Variants in DHX33 observed in about 807,000 individuals in gnomAD.
DHX33 encodes the protein DEAH-box helicase 33.
A neutral mutation model predicts 72.5 loss-of-function variants in DHX33; 42 were observed. That is an observed-to-expected ratio of 0.58 (90% CI 0.45 to 0.75). The LOEUF is 0.75. DHX33 is among the 30% of genes least tolerant of loss of function. The pLI, the probability that DHX33 is intolerant of heterozygous loss-of-function variation, is 0.00. For synonymous variants in DHX33, 358 were observed against 366.1 expected (o/e 0.98, Z 0.25); for missense variants, 842 against 917.5 (o/e 0.92, Z 1.06).
At chr17:5,450,989 G>C in intron 8 of DHX33, 55 bp from the exon 9 acceptor site, 1 of 1,593,584 alleles carries the variant, frequency 6.3e-7, no homozygotes, top group South Asian at 1.1e-5. Context: ...TGAAGTTGCA[G>C]CTAGTTCAGT....
At position 5,460,969 on chromosome 17, in the gene DHX33, G is replaced by A. The variant is rs745789307; in HGVS notation, c.819C>T (p.Ala273=). ...GGATCTGGAAGACGGAGACAAGCGCGGCGTGCAGGTAATCATTCTGAGGCT... is the reference window on the plus strand; with the variant it reads ...GGATCTGGAAGACGGAGACAAGCGCAGCGTGCAGGTAATCATTCTGAGGCT... ...TKQPQNDYLH[A]ALVSVFQIHQ... The change falls in exon 4 of 12, where the codon GCC becomes GCT. Residue 273 remains alanine (A), a synonymous_variant. Coordinates refer to ENST00000225296, the MANE Select transcript of DHX33 (RefSeq NM_020162.4). 19 of 1,613,492 alleles carry A rather than the reference G, an allele frequency of 1.2e-5. No individual in the cohort carries two copies. The highest frequency in any genetic ancestry group is 6.7e-5 in the African/African-American group (5 of 74,906).
chr17:5,461,629 G>A (rs1273553399), intron 3 of DHX33, among the ~76,000 whole-genome samples: 2 of 150,472 alleles, frequency 1.3e-5, no homozygotes, highest in Non-Finnish European at 3.0e-5. Context: ...AAATCAAGAC[G>A]GAATTTCAGT....
At chr17:5,454,083 G>T in intron 6 of DHX33, 103 bp from the exon 7 acceptor site, 2 of 1,368,986 alleles carry the variant, frequency 1.5e-6, no homozygotes, top group Non-Finnish European at 9.9e-7. Context: ...GCAACACGGG[G>T]GTCCAGAAAG....
At chr17:5,463,839 A>G in intron 1 of DHX33, 150 bp from the exon 2 acceptor site, 1 of 665,112 alleles carries the variant, frequency 1.5e-6, no homozygotes. Flanking sequence ...TGGGCAACAT[A>G]GCAAGACCCC....
chr17:5,455,080 CAG>C (rs1178477009), intron 6 of DHX33, 78 bp downstream of exon 6: 16 of 1,276,744 alleles, frequency 1.3e-5, no homozygotes, highest in African/African-American at 4.4e-5. Flanking sequence ...ATGAAACACT[CAG>C]GGGAAAACTG....
chr17:5,468,636 G>C lies in DHX33; in HGVS notation c.224C>G (p.Pro75Arg), dbSNP rs151053292. The C allele has an allele frequency of 6.2e-7, 1 of 1,612,100 alleles. No homozygotes were observed. Among genetic ancestry groups the C allele is most frequent in the Non-Finnish European group, 8.5e-7 (1 of 1,179,702 alleles). ...EAVELQRRSL[P>R]IFQARGQLLA... ...CAGTTGCCCCCGCGCTTGGAAGATG[G>C]GCAGACTCCGGCGCTGCAGCTCCAC... is the stretch of plus-strand genomic sequence containing the variant. The change falls in exon 1 of 12, where the codon CCC (proline) becomes CGC (arginine). Residue 75 changes from proline to arginine, a missense_variant. Physicochemically the swap from Pro to Arg is moderately radical, Grantham distance 103. Coordinates refer to ENST00000225296, the MANE Select transcript of DHX33 (RefSeq NM_020162.4).
intron 11 of DHX33, among the ~76,000 whole-genome samples, chr17:5,445,535 T>A (rs1278724423): frequency 6.6e-6 from 1 of 152,268 alleles, no homozygotes; most frequent in Non-Finnish European, 1.5e-5. Flanking sequence ...CCAGTCAATG[T>A]CCTTGTTCTA....
At position 5,463,696 on chromosome 17, in the gene DHX33, G is replaced by A. The variant is rs761633646; in HGVS notation, c.290-7C>T. 1.9e-6 allele frequency: 3 copies of A among 1,569,372 alleles called. No individual in the cohort carries two copies. The highest frequency in any genetic ancestry group is 2.2e-5 in the East Asian group (1 of 44,466). Reference sequence around the variant, plus strand: ...TTCCCAGAGCCAGTTTCCCCTAGGAGAGAGGGGGAAAAAAAAAAAAGGCTC... The same window carrying A: ...TTCCCAGAGCCAGTTTCCCCTAGGAAAGAGGGGGAAAAAAAAAAAAGGCTC... On this transcript the variant is annotated splice_region_variant and splice_polypyrimidine_tract_variant and intron_variant, in intron 1 of 11. Transcript: ENST00000225296.
chr17:5,468,329 C>G (rs2151694532), intron 1 of DHX33, among the ~76,000 whole-genome samples: 1 of 152,328 alleles, frequency 6.6e-6, no homozygotes, highest in East Asian at 1.9e-4. Context: ...CGTTTCTCTA[C>G]CCTTTTACGC....
Position 5,444,237 on chromosome 17 carries a change from A to G in DHX33, c.2092T>C (p.Phe698Leu). The G allele has an allele frequency of 6.2e-7, 1 of 1,614,130 alleles. No individual in the cohort carries two copies. Among genetic ancestry groups the G allele is most frequent in the South Asian group, 1.1e-5 (1 of 91,086 alleles). Residue 698 changes from phenylalanine to leucine, a missense_variant, in exon 12 of 12, where the codon TTT becomes CTT. Physicochemically the swap from Phe to Leu is conservative, Grantham distance 22. Transcript: ENST00000225296. The surrounding 1 kb of genome is among the most constrained non-coding windows in gnomAD (Gnocchi z 4.9). ...QWLYEAAPEY[F>L]RRKLRTARN ...CTGGCGGTTCTCAGCTTCCTCCTAA[A>G]GTACTCAGGGGCAGCCTCGTACAGC...
chr17:5,465,705 T>C (rs1406956202), intron 1 of DHX33, among the ~76,000 whole-genome samples: 1 of 152,228 alleles, frequency 6.6e-6, no homozygotes, highest in Non-Finnish European at 1.5e-5. Context: ...GAGTTTATAG[T>C]GTAGCCGAAA....
At chr17:5,449,222 A>G (rs2151683665) in intron 10 of DHX33, among the ~76,000 whole-genome samples, 1 of 152,374 alleles carries the variant, frequency 6.6e-6, no homozygotes, top group East Asian at 1.9e-4. Flanking sequence ...AAAAGTGTTA[A>G]TAATTTAAAC....
At chr17:5,461,245 CA>C in intron 3 of DHX33, 136 bp from the exon 4 acceptor site, 1 of 813,138 alleles carries the variant, frequency 1.2e-6, no homozygotes, top group Non-Finnish European at 1.8e-6. Context: ...AGGCTCTGAG[CA>C]GAACAGGCAG....
intron 1 of DHX33, 84 bp from the exon 2 acceptor site, chr17:5,463,773 C>T: frequency 7.2e-7 from 1 of 1,381,324 alleles, no homozygotes; most frequent in Non-Finnish European, 9.6e-7. Context: ...ATAATCTCAG[C>T]ACTTTGGGAG....
rs774556442 is a variant in DHX33, at chr17:5,456,107, G to A, written c.925C>T (p.Arg309Ter). The change falls in exon 5 of 12, where the codon CGA becomes TGA. Residue 309 changes from arginine to a stop codon, truncating the protein, a stop_gained. Transcript: ENST00000225296. LOFTEE classifies it high-confidence loss of function. ...TCTGGGAGGTGCTTTGCAATGTCTCGGCACGTCTTGCTCATGGCTTCGATC... is the reference window on the plus strand; with the variant it reads ...TCTGGGAGGTGCTTTGCAATGTCTCAGCACGTCTTGCTCATGGCTTCGATC... ...EEIEAMSKTC[R>*]DIAKHLPDGC... 21 of 1,613,920 alleles carry A rather than the reference G, an allele frequency of 1.3e-5. No individual in the cohort carries two copies. The highest frequency in any genetic ancestry group is 3.3e-5 in the Admixed American group (2 of 60,000).
intron 11 of DHX33, among the ~76,000 whole-genome samples, chr17:5,445,403 A>G (rs1046614017): frequency 3.9e-5 from 6 of 152,026 alleles, no homozygotes; most frequent in African/African-American, 1.4e-4. Flanking sequence ...TAGACACTCC[A>G]TGGTCCCCCA....
intron 2 of DHX33, among the ~76,000 whole-genome samples, chr17:5,462,955 GTCTGTAA>G (rs1904709313): frequency 6.6e-6 from 1 of 152,080 alleles, no homozygotes; most frequent in Non-Finnish European, 1.5e-5. Flanking sequence ...GGTGGCACGT[GTCTGTAA>G]TCCCAGCTAC....
intron 11 of DHX33, among the ~76,000 whole-genome samples, chr17:5,445,217 T>C (rs1916607038): frequency 6.6e-6 from 1 of 152,192 alleles, no homozygotes; most frequent in African/African-American, 2.4e-5. Context: ...TAGCTGGGAT[T>C]ACAGGCGCCT....
At chr17:5,461,214 A>T (rs1424930900) in intron 3 of DHX33, 105 bp from the exon 4 acceptor site, 2 of 1,197,128 alleles carry the variant, frequency 1.7e-6, no homozygotes, top group Non-Finnish European at 1.2e-6. Context: ...TGCCACCCCC[A>T]TCACAGTTTA....
Sources: allele counts gnomAD v4.1 joint callset (sites outside exome capture counted in the v4.1 genomes callset), GRCh38; gene constraint gnomAD v4.1.1; non-coding constraint Gnocchi (gnomAD v3.1); transcripts MANE v1.5; gene names NCBI Gene and HGNC (gene_info 2026-07-23, HGNC 2026-07-21).